ABCG1: variants seen among roughly 807,000 people sequenced by gnomAD.
The protein encoded by ABCG1 is ATP binding cassette subfamily G member 1.
ABCG1 carries 29 observed loss-of-function variants against 69.2 expected under a neutral mutation model. The ratio of observed to expected loss-of-function variants is 0.42; its 90% CI spans 0.31 to 0.57. The LOEUF (loss-of-function observed/expected upper bound fraction) is 0.57, where lower values mean the gene tolerates loss of function less well. ABCG1 is among the 20% of genes least tolerant of loss of function. The pLI, the probability that ABCG1 is intolerant of heterozygous loss-of-function variation, is 0.15. For missense variants in ABCG1, 718 were observed against 898.1 expected, an observed-to-expected ratio of 0.80 and a Z score of 2.56; for synonymous variants, 370 against 374.8, an observed-to-expected ratio of 0.99 and a Z score of 0.15.
At chr21:42,221,494 C>T (rs568470535) in intron 1 of ABCG1, among the ~76,000 whole-genome samples, 7 of 152,006 alleles carry the variant, frequency 4.6e-5, no homozygotes, top group East Asian at 1.9e-4. Context: ...CCCCTGAGTT[C>T]GGTGGGCATA....
intron 2 of ABCG1, among the ~76,000 whole-genome samples, chr21:42,265,232 C>A (rs1438049961): frequency 2.6e-5 from 4 of 152,254 alleles, no homozygotes; most frequent in Non-Finnish European, 4.4e-5. Context: ...GCATCCAGTG[C>A]AGCAGCCCCG....
In ABCG1 at chr21:42,296,572, T is replaced by C; in HGVS notation, c.*180T>C. 8 of 604,092 alleles carry C rather than the reference T, an allele frequency of 1.3e-5. No homozygotes were observed. The allele number at this position is 604,092 out of a possible 1,614,324, so 37.4% of individuals were successfully genotyped here. On this transcript the variant is annotated 3_prime_UTR_variant, in exon 15 of 15. Coordinates refer to ENST00000398449, the MANE Select transcript of ABCG1 (RefSeq NM_016818.3). This position sits in a 1 kb window ranked among gnomAD's most constrained non-coding sequence, Gnocchi z 5.4. ...CACTCTGCCCAGCTGGGTTGGATCT[T>C]CTCTCCATTCCCCTTTCTAGCTTTA...
At position 42,219,899 on chromosome 21, in the gene ABCG1, C is replaced by A; in HGVS notation, c.42+595C>A. On this transcript the variant is annotated intron_variant, in intron 1 of 14. Transcript: ENST00000398449. This position sits in a 1 kb window ranked among gnomAD's most constrained non-coding sequence, Gnocchi z 5.3. ...GGCGGCGAAGGCCCGGGGAGACCCG[C>A]GAGGGGCAAGCCCGGATTCCTGCCG... The A allele has an allele frequency of 6.5e-7, 1 of 1,547,356 alleles. No individual in the cohort carries two copies. Among genetic ancestry groups the A allele is most frequent in the South Asian group, 1.2e-5 (1 of 83,952 alleles).
At position 42,225,910 on chromosome 21, in the gene ABCG1, GA is replaced by G. The variant is rs2067809800; in HGVS notation, c.285del (p.Gly96AspfsTer6). 1 of 1,611,632 alleles carries G rather than the reference GA, an allele frequency of 6.2e-7. No individual in the cohort carries two copies. Among genetic ancestry groups the G allele is most frequent in the Non-Finnish European group, 8.5e-7 (1 of 1,179,126 alleles). On this transcript the variant is annotated frameshift_variant, in exon 2 of 15. Transcript: ENST00000398449. LOFTEE classifies it high-confidence loss of function. The part of the protein sequence containing the change: ...SVPEGPWWRK[K>X]GYKTLLKGIS... ...TTCCTGAAGGACCCTGGTGGAGGAA[GA>G]AAGGTAGGGAGGGCGGCTGCTTTGT...
chr21:42,222,974 C>T (rs2067753692), intron 1 of ABCG1, among the ~76,000 whole-genome samples: 1 of 152,220 alleles, frequency 6.6e-6, no homozygotes, highest in Non-Finnish European at 1.5e-5. Context: ...ACCTGGCTCA[C>T]AGCAGGAGAC....
rs1310649727 is a variant in ABCG1, at chr21:42,225,869, G to C, written c.241G>C (p.Asp81His). The change falls in exon 2 of 15, where the codon GAC (aspartate) becomes CAC (histidine). Residue 81 changes from aspartate to histidine, a missense_variant. Asp to His is a moderately conservative substitution (Grantham distance 81, BLOSUM62 -1). Coordinates refer to ENST00000398449, the MANE Select transcript of ABCG1 (RefSeq NM_016818.3). ...GGCAGCTGTGAACATTGAATTCAGGGACCTTTCCTATTCGGTTCCTGAAGG... is the reference window on the plus strand; with the variant it reads ...GGCAGCTGTGAACATTGAATTCAGGCACCTTTCCTATTCGGTTCCTGAAGG... ...RRAAVNIEFR[D>H]LSYSVPEGPW... 6.2e-7 allele frequency: 1 copy of C among 1,613,714 alleles called. No individual in the cohort carries two copies. Among genetic ancestry groups the C allele is most frequent in the Non-Finnish European group, 8.5e-7 (1 of 1,180,020 alleles).
At chr21:42,230,286 T>C (rs1181978628) in intron 2 of ABCG1, among the ~76,000 whole-genome samples, 1 of 152,206 alleles carries the variant, frequency 6.6e-6, no homozygotes, top group Non-Finnish European at 1.5e-5. Flanking sequence ...AAAACATAAT[T>C]GTGAGAGGAA....
intron 3 of ABCG1, among the ~76,000 whole-genome samples, chr21:42,272,870 C>T (rs572534068): frequency 5.3e-5 from 8 of 152,224 alleles, no homozygotes; most frequent in Non-Finnish European, 7.3e-5. Context: ...TGCAGAGGTC[C>T]GGCCTTTGGG....
chr21:42,219,254 C>T lies in ABCG1; in HGVS notation c.-9C>T, dbSNP rs748713294. 6 of 1,550,630 alleles carry T rather than the reference C, an allele frequency of 3.9e-6. No homozygotes were observed. Among genetic ancestry groups the T allele is most frequent in the African/African-American group, 1.4e-5 (1 of 71,040 alleles). ...CCGCCGCCGCCGCCGCCGCCGCCGC[C>T]CCCGGGGCATGGCCTGTCTGATGGC... On this transcript the variant is annotated 5_prime_UTR_variant, in exon 1 of 15. Coordinates refer to ENST00000398449, the MANE Select transcript of ABCG1 (RefSeq NM_016818.3). The surrounding 1 kb of genome is among the most constrained non-coding windows in gnomAD (Gnocchi z 5.3).
At position 42,271,212 on chromosome 21, in the gene ABCG1, A is replaced by G. The variant is rs199705582; in HGVS notation, c.404+25A>G. ...GGTGAGCAGCCCTGCCCAGGGCGCA[A>G]AGTTCTCTCCCGGGTGTCAGGCCAG... On this transcript the variant is annotated intron_variant, in intron 3 of 14. Coordinates refer to ENST00000398449, the MANE Select transcript of ABCG1 (RefSeq NM_016818.3). 90 of 1,455,734 alleles carry G rather than the reference A, an allele frequency of 6.2e-5. No homozygotes were observed. In the African/African-American group the frequency reaches 1.2e-3, roughly 19 times the overall value. 90.2% of individuals were successfully genotyped at this position (1,455,734 alleles called of 1,614,324 possible).
At chr21:42,200,941 C>A (rs2067501826) in intron 1 of ABCG1, among the ~76,000 whole-genome samples, 2 of 152,060 alleles carry the variant, frequency 1.3e-5, no homozygotes, top group South Asian at 4.1e-4. Context: ...TTTCATTTTT[C>A]TTACGTCCCG....
chr21:42,259,442 G>A, intron 2 of ABCG1: 1 of 1,549,472 alleles, frequency 6.5e-7, no homozygotes, highest in East Asian at 2.4e-5. Flanking sequence ...GAAAAAGGGT[G>A]CCGATGTCTG....
intron 2 of ABCG1, among the ~76,000 whole-genome samples, chr21:42,206,387 C>T (rs9982029): frequency 0.12 from 11,509 of 92,540 alleles, 512 homozygotes; most frequent in East Asian, 0.29. Flanking sequence ...AATAAATAAA[C>T]AAACAAACAA....
At chr21:42,261,756 C>T (rs1446204289) in intron 2 of ABCG1, among the ~76,000 whole-genome samples, 1 of 152,240 alleles carries the variant, frequency 6.6e-6, no homozygotes, top group Non-Finnish European at 1.5e-5. Flanking sequence ...AGGATGGCCT[C>T]TTGTCCCTGC....
In ABCG1 at chr21:42,284,687, C is replaced by A; in HGVS notation, c.858+4C>A. 1 of 1,612,254 alleles carries A rather than the reference C, an allele frequency of 6.2e-7. No homozygotes were observed. The highest frequency in any genetic ancestry group is 8.5e-7 in the Non-Finnish European group (1 of 1,179,896). On this transcript the variant is annotated splice_donor_region_variant and intron_variant, in intron 7 of 14. Coordinates refer to ENST00000398449, the MANE Select transcript of ABCG1 (RefSeq NM_016818.3). ...ACTCTTCGAGCTGTTCGACCAGGTA[C>A]GCGGGCCCCGGGCCCTCCCCGCCAG...
At chr21:42,252,727 C>T (rs559975661) in intron 2 of ABCG1, among the ~76,000 whole-genome samples, 2 of 152,162 alleles carry the variant, frequency 1.3e-5, no homozygotes, top group Admixed American at 1.3e-4. Context: ...TGGGGATCAC[C>T]CTCCCATTGC....
chr21:42,210,235 G>A (rs2067575715), intron 2 of ABCG1, among the ~76,000 whole-genome samples: 1 of 152,220 alleles, frequency 6.6e-6, no homozygotes, highest in African/African-American at 2.4e-5. Context: ...AACATCAGTA[G>A]TGGCCAGAGG....
chr21:42,294,528 G>A lies in ABCG1; in HGVS notation c.1654-14G>A. The A allele has an allele frequency of 6.2e-7, 1 of 1,605,008 alleles. No homozygotes were observed. Among genetic ancestry groups the A allele is most frequent in the Non-Finnish European group, 8.5e-7 (1 of 1,171,774 alleles). ...AGGTTCTGCTACATCTGTCCTGTGT[G>A]CCCCCAACTCCAGGTGGCCACTTTC... On this transcript the variant is annotated splice_polypyrimidine_tract_variant and intron_variant, in intron 13 of 14. Transcript: ENST00000398449.
chr21:42,284,259 GT>G, intron 6 of ABCG1, among the ~76,000 whole-genome samples: 1 of 146,942 alleles, frequency 6.8e-6, no homozygotes, highest in Non-Finnish European at 1.5e-5. Flanking sequence ...TAGTTGTGAA[GT>G]CCCTCCCTGC....
Sources: allele counts gnomAD v4.1 joint callset (sites outside exome capture counted in the v4.1 genomes callset), GRCh38; gene constraint gnomAD v4.1.1; non-coding constraint Gnocchi (gnomAD v3.1); transcripts MANE v1.5; gene names NCBI Gene and HGNC (gene_info 2026-07-23, HGNC 2026-07-21).